TRHDE: variants seen among roughly 807,000 people sequenced by gnomAD.
TRHDE encodes the protein thyrotropin releasing hormone degrading enzyme.
Under a neutral mutation model 125.7 loss-of-function variants are expected in TRHDE, and 72 were observed. The observed-to-expected ratio is 0.57, with a 90% CI of 0.47 to 0.70. The LOEUF is 0.70. Among genes scored for constraint, TRHDE ranks in the 30% least tolerant of loss-of-function variants. TRHDE has a pLI of 0.00. For missense variants in TRHDE, 1,110 were observed against 1,327.1 expected, an observed-to-expected ratio of 0.84 and a Z score of 2.54; for synonymous variants, 509 against 509.1, an observed-to-expected ratio of 1.00 and a Z score of 0.00.
intron 2 of TRHDE, among the ~76,000 whole-genome samples, chr12:72,172,651 T>C (rs1876898448): frequency 6.6e-6 from 1 of 152,066 alleles, no homozygotes; most frequent in Non-Finnish European, 1.5e-5. Flanking sequence ...GTACAGGAGA[T>C]GAAAGTGACA....
At chr12:72,320,112 T>G (rs931831933) in intron 2 of TRHDE, among the ~76,000 whole-genome samples, 1 of 152,150 alleles carries the variant, frequency 6.6e-6, no homozygotes, top group South Asian at 2.1e-4. Flanking sequence ...ATTTTCTCAA[T>G]TATTTTAGTC....
At chr12:72,205,225 C>T (rs1877639705) in intron 2 of TRHDE, among the ~76,000 whole-genome samples, 1 of 151,714 alleles carries the variant, frequency 6.6e-6, no homozygotes, top group Non-Finnish European at 1.5e-5. Flanking sequence ...AAATTTTACT[C>T]ACTATTGAAA....
At chr12:72,312,101 T>A (rs1164998352) in intron 2 of TRHDE, among the ~76,000 whole-genome samples, 1 of 152,150 alleles carries the variant, frequency 6.6e-6, no homozygotes, top group Non-Finnish European at 1.5e-5. Flanking sequence ...TAGGTACTGT[T>A]ATCACCGTTT....
intron 10 of TRHDE, among the ~76,000 whole-genome samples, chr12:72,573,758 A>T (rs1322598496): frequency 6.6e-6 from 1 of 152,018 alleles, no homozygotes; most frequent in Non-Finnish European, 1.5e-5. Flanking sequence ...ATATTATAGT[A>T]AAAGTGTTAT....
chr12:72,321,703 C>T (rs1023664036), intron 2 of TRHDE, among the ~76,000 whole-genome samples: 1 of 152,076 alleles, frequency 6.6e-6, no homozygotes, highest in Non-Finnish European at 1.5e-5. Flanking sequence ...TCACTCTTTA[C>T]TGTGAATGCA....
intron 1 of TRHDE, among the ~76,000 whole-genome samples, chr12:72,097,398 T>C (rs982631813): frequency 6.7e-6 from 1 of 149,832 alleles, no homozygotes; most frequent in East Asian, 2.0e-4. Flanking sequence ...GTTATAGATA[T>C]GTTTAGTCCC....
At chr12:72,305,143 T>C (rs1424826130) in intron 2 of TRHDE, among the ~76,000 whole-genome samples, 2 of 152,204 alleles carry the variant, frequency 1.3e-5, no homozygotes, top group African/African-American at 4.8e-5. Context: ...ACATGTGTGT[T>C]ATATCATTTA....
At chr12:72,604,812 T>G (rs1872364576) in intron 12 of TRHDE, among the ~76,000 whole-genome samples, 1 of 152,106 alleles carries the variant, frequency 6.6e-6, no homozygotes, top group Non-Finnish European at 1.5e-5. Flanking sequence ...ACAGTAAGCA[T>G]GAACTTAACT....
intron 6 of TRHDE, among the ~76,000 whole-genome samples, chr12:72,518,738 C>T (rs1362699692): frequency 0.015 from 2,226 of 152,100 alleles, 52 homozygotes; most frequent in African/African-American, 0.05. Flanking sequence ...TTCTTCCTAG[C>T]CTCGATGGTC....
chr12:72,479,208 T>C (rs1350544481), intron 5 of TRHDE, among the ~76,000 whole-genome samples: 1 of 152,170 alleles, frequency 6.6e-6, no homozygotes, highest in African/African-American at 2.4e-5. Context: ...GTAGCACAGA[T>C]ACATTTTTGA....
intron 15 of TRHDE, among the ~76,000 whole-genome samples, chr12:72,625,129 C>T (rs1387125641): frequency 6.6e-6 from 1 of 151,710 alleles, no homozygotes; most frequent in African/African-American, 2.4e-5. Flanking sequence ...TTTGTTAAAA[C>T]ACAATGTTGT....
intron 3 of TRHDE, among the ~76,000 whole-genome samples, chr12:72,456,055 C>T (rs1453585306): frequency 4.0e-5 from 6 of 149,626 alleles, no homozygotes; most frequent in Admixed American, 6.7e-5. Context: ...TAATATTATG[C>T]AGTATATACA....
chr12:72,285,330 G>C (rs1879840439), intron 1 of TRHDE, among the ~76,000 whole-genome samples: 1 of 151,978 alleles, frequency 6.6e-6, no homozygotes, highest in Non-Finnish European at 1.5e-5. Flanking sequence ...AGAGAGGAGT[G>C]GTGGCAGAGC....
At chr12:72,260,355 CT>C (rs34245268) in intron 2 of TRHDE, among the ~76,000 whole-genome samples, 1 of 151,590 alleles carries the variant, frequency 6.6e-6, no homozygotes, top group East Asian at 1.9e-4. Context: ...AAAAATGATA[CT>C]TTTTTTTGGT....
intron 12 of TRHDE, among the ~76,000 whole-genome samples, chr12:72,617,069 CTTAT>C (rs1270971275): frequency 1.1e-4 from 16 of 152,176 alleles, no homozygotes; most frequent in Admixed American, 5.2e-4. Context: ...AATACAGTGG[CTTAT>C]TTAATTATTG....
At chr12:72,576,422 G>A (rs1465696817) in intron 12 of TRHDE, among the ~76,000 whole-genome samples, 1 of 151,980 alleles carries the variant, frequency 6.6e-6, no homozygotes, top group Non-Finnish European at 1.5e-5. Context: ...TACAGTTTAT[G>A]TATTCAATCA....
chr12:72,248,998 A>G (rs987272091), intron 2 of TRHDE, among the ~76,000 whole-genome samples: 2 of 152,166 alleles, frequency 1.3e-5, no homozygotes, highest in African/African-American at 2.4e-5. Context: ...AATGGAGACA[A>G]AGGGTGTTGA....
chr12:72,188,664 A>G (rs891284878), intron 2 of TRHDE, among the ~76,000 whole-genome samples: 6 of 152,236 alleles, frequency 3.9e-5, no homozygotes, highest in African/African-American at 1.4e-4. Flanking sequence ...ATGTGGGCCT[A>G]GTGTTGCCAC....
chr12:72,205,124 T>G (rs1362684227), intron 2 of TRHDE, among the ~76,000 whole-genome samples: 1 of 152,204 alleles, frequency 6.6e-6, no homozygotes, highest in Non-Finnish European at 1.5e-5. Flanking sequence ...TAGCGTATGT[T>G]TCAGCCACTC....
Sources: gnomAD v4.1 joint callset for allele counts (sites outside exome capture counted in the v4.1 genomes callset) on GRCh38, gnomAD v4.1.1 for gene constraint, MANE v1.5 for transcripts, NCBI Gene and HGNC (gene_info 2026-07-23, HGNC 2026-07-21) for gene names.